Variants in PSD4 observed in about 807,000 individuals in gnomAD.
The protein encoded by PSD4 is pleckstrin and Sec7 domain containing 4, also known as PH and SEC7 domain-containing protein 4.
In PSD4, 59 loss-of-function variants were observed where a neutral mutation model predicts 112.5. The observed-to-expected ratio is 0.52, with a 90% CI of 0.43 to 0.65. PSD4 has a LOEUF of 0.65. Among genes scored for constraint, PSD4 ranks in the 30% least tolerant of loss-of-function variants. PSD4 has a pLI of 0.00. For missense variants in PSD4, 1,267 were observed against 1,352.6 expected (o/e 0.94, Z 0.99); for synonymous variants, 533 against 540.0 (o/e 0.99, Z 0.18).
At chr2:113,192,013 C>T (rs3791341) in intron 5 of PSD4, among the ~76,000 whole-genome samples, 134,983 of 151,526 alleles carry the variant, frequency 0.89, 60,968 homozygotes, top group Non-Finnish European at 0.97. Flanking sequence ...CAAGGAGGTA[C>T]AGGAGGACCA....
At chr2:113,199,054 C>G (rs1460440522) in intron 15 of PSD4, 29 bp from the exon 16 acceptor site, 10 of 1,518,382 alleles carry the variant, frequency 6.6e-6, no homozygotes, top group Non-Finnish European at 7.0e-6. Context: ...ACGCCCGGGA[C>G]AGCGCCCCTC....
intron 16 of PSD4, among the ~76,000 whole-genome samples, chr2:113,199,623 T>C (rs1688720013): frequency 1.3e-5 from 2 of 152,196 alleles, no homozygotes; most frequent in Non-Finnish European, 2.9e-5. Flanking sequence ...CAAATATTAA[T>C]AGGTAGTATG....
rs1319922332 is a variant in PSD4 at position 113,208,339 on chromosome 2, T to C, written c.*6924T>C. The stretch of plus-strand genomic sequence containing the variant: ...AATTTCAGACCTGGAATTCTAACTG[T>C]CCACAATACATGGCTCCTCAATATA... On this transcript the variant is annotated 3_prime_UTR_variant, in exon 17 of 17. Coordinates refer to ENST00000245796, the MANE Select transcript of PSD4 (RefSeq NM_012455.3). 1 of 152,228 alleles carries C rather than the reference T, an allele frequency of 6.6e-6. No individual in the cohort carries two copies. The highest frequency in any genetic ancestry group is 1.5e-5 in the Non-Finnish European group (1 of 68,050). The allele number at this position is 152,228 out of a possible 1,614,324, so 9.4% of individuals were successfully genotyped here.
intron 5 of PSD4, among the ~76,000 whole-genome samples, chr2:113,187,863 C>T (rs1256722684): frequency 6.6e-6 from 1 of 152,184 alleles, no homozygotes. Context: ...CCTCTTGAGG[C>T]TCATGAACAC....
At chr2:113,198,220 T>G in intron 14 of PSD4, 1 of 353,784 alleles carries the variant, frequency 2.8e-6, no homozygotes, top group Non-Finnish European at 5.1e-6. Context: ...TGATTGACCA[T>G]ATCTGGCATT....
rs1349492763 is a variant in PSD4, at chr2:113,183,182, G to A, written c.726G>A (p.Glu242=). 3.1e-6 allele frequency: 5 copies of A among 1,614,110 alleles called. No individual in the cohort carries two copies. Among genetic ancestry groups the A allele is most frequent in the Admixed American group, 3.3e-5 (2 of 60,014 alleles). The part of the protein sequence containing the change: ...DSSPQWGAEE[E]SMFFSNPLFL... Reference sequence around the variant, plus strand: ...CCCCACAGTGGGGAGCTGAGGAGGAGAGCATGTTCTTCAGCAACCCCCTCT... The same window carrying A: ...CCCCACAGTGGGGAGCTGAGGAGGAAAGCATGTTCTTCAGCAACCCCCTCT... Residue 242 remains glutamate, a synonymous_variant, in exon 2 of 17, where the codon GAG becomes GAA. Coordinates refer to ENST00000245796, the MANE Select transcript of PSD4 (RefSeq NM_012455.3).
Position 113,201,478 on chromosome 2 carries a change from G to A in PSD4, c.*63G>A, listed in dbSNP as rs1688778489. 1.3e-6 allele frequency: 2 copies of A among 1,579,772 alleles called. No homozygotes were observed. The highest frequency in any genetic ancestry group is 1.3e-5 in the African/African-American group (1 of 74,398). On this transcript the variant is annotated 3_prime_UTR_variant, in exon 17 of 17. Coordinates refer to ENST00000245796, the MANE Select transcript of PSD4 (RefSeq NM_012455.3). ...GGGTAGACCTGAGATGAACCTCCCT[G>A]GAGGAGACTTATTTCAATGAGTCCA...
chr2:113,199,364 T>A (rs2305132), intron 16 of PSD4, 138 bp downstream of exon 16: 258,935 of 1,109,938 alleles, frequency 0.23, 32,331 homozygotes, highest in African/African-American at 0.46. Context: ...GGGGCCCGCG[T>A]GCGCCGTCTG....
At position 113,176,159 on chromosome 2, in the gene PSD4, G is replaced by A. The variant is rs116100927; in HGVS notation, c.-112+2105G>A. Among the ~76,000 whole-genome samples the A allele has an allele frequency of 8.4e-3, 1,273 of 152,288 alleles. 14 individuals carry two copies. The highest frequency in any genetic ancestry group is 0.011 in the Non-Finnish European group (750 of 68,028). On this transcript the variant is annotated intron_variant, in intron 1 of 16. Coordinates refer to ENST00000245796, the MANE Select transcript of PSD4 (RefSeq NM_012455.3). ...CCCAGCCTCTGTGCCCGGTCTCCCC[G>A]TTCTTCAGCCAGGGTACAAGGCTGC...
chr2:113,199,324 CG>C (rs1342668776), intron 16 of PSD4, 98 bp downstream of exon 16: 1 of 1,275,438 alleles, frequency 7.8e-7, no homozygotes, highest in Non-Finnish European at 9.9e-7. Flanking sequence ...CTGACCGCGC[CG>C]GGGCGGGGAG....
chr2:113,196,262 G>A lies in PSD4; in HGVS notation c.2341G>A (p.Gly781Ser). Residue 781 changes from glycine to serine, a missense_variant, in exon 12 of 17, where the codon GGC becomes AGC. This residue lies in a region of PSD4 where 544 missense variants were observed against 648.6 expected (regional missense o/e 0.84). Transcript: ENST00000245796. ...TCCCACAGTGCCCACCTACAAGCAG[G>A]GCATCCTGGCTCGGAAAATGCATCA... is the stretch of plus-strand genomic sequence containing the variant. ...QDPTVPTYKQ[G>S]ILARKMHQDA... is the part of the protein sequence containing the mutation. 2 of 1,613,876 alleles carry A rather than the reference G, an allele frequency of 1.2e-6. No homozygotes were observed. The highest frequency in any genetic ancestry group is 1.7e-6 in the Non-Finnish European group (2 of 1,179,782).
chr2:113,196,391 CAG>C lies in PSD4; in HGVS notation c.2386+90_2386+91del, dbSNP rs398060461. 5 of 1,466,542 alleles carry C rather than the reference CAG, an allele frequency of 3.4e-6. No individual in the cohort carries two copies. In the East Asian group the frequency reaches 1.0e-4, roughly 31 times the overall value. 90.8% of individuals were successfully genotyped at this position (1,466,542 alleles called of 1,614,324 possible). The stretch of plus-strand genomic sequence containing the variant: ...CTGTGCCGATGCATGCACAGGTGTG[CAG>C]AGAGACAGCCCGCGTTGAGGACAGG... On this transcript the variant is annotated intron_variant, in intron 12 of 16. Transcript: ENST00000245796.
intron 16 of PSD4, among the ~76,000 whole-genome samples, chr2:113,200,953 G>A (rs1688759904): frequency 6.6e-6 from 1 of 152,144 alleles, no homozygotes; most frequent in Non-Finnish European, 1.5e-5. Flanking sequence ...GGGCTGATAT[G>A]TGTCATTATA....
intron 10 of PSD4, among the ~76,000 whole-genome samples, chr2:113,195,250 T>C (rs1480014741): frequency 6.6e-6 from 1 of 150,884 alleles, no homozygotes; most frequent in African/African-American, 2.4e-5. Flanking sequence ...AACCTCCGCC[T>C]CCCGGGTTCA....
At chr2:113,176,321 G>A (rs115127356) in intron 1 of PSD4, among the ~76,000 whole-genome samples, 142 of 152,334 alleles carry the variant, frequency 9.3e-4, no homozygotes, top group African/African-American at 3.3e-3. Context: ...AGGTGGGAGG[G>A]ACTCTGCCTT....
chr2:113,192,725 C>G, intron 6 of PSD4, 136 bp downstream of exon 6: 1 of 900,688 alleles, frequency 1.1e-6, no homozygotes, highest in Non-Finnish European at 1.7e-6. Context: ...CTAACTTTTC[C>G]CCCATACCCT....
Position 113,202,617 on chromosome 2 carries a change from G to A in PSD4, c.*1202G>A, listed in dbSNP as rs947732543. The A allele has an allele frequency of 6.6e-6, 1 of 152,328 alleles. No homozygotes were observed. The highest frequency in any genetic ancestry group is 2.1e-4 in the South Asian group (1 of 4,836). The allele number at this position is 152,328 out of a possible 1,614,324, so 9.4% of individuals were successfully genotyped here. ...GACTCATGGACTTGGGGCTCTGCCTGTAGGAAGGAGGCTGGGCCGGAGGGA... is the reference window on the plus strand; with the variant it reads ...GACTCATGGACTTGGGGCTCTGCCTATAGGAAGGAGGCTGGGCCGGAGGGA... On this transcript the variant is annotated 3_prime_UTR_variant, in exon 17 of 17. Coordinates refer to ENST00000245796, the MANE Select transcript of PSD4 (RefSeq NM_012455.3).
intron 6 of PSD4, 134 bp from the exon 7 acceptor site, chr2:113,192,914 A>G: frequency 2.3e-6 from 2 of 856,020 alleles, no homozygotes; most frequent in South Asian, 3.4e-5. Flanking sequence ...GTCAGGACCC[A>G]AGGCCCAGCG....
At position 113,193,954 on chromosome 2, in the gene PSD4, T is replaced by C. The variant is rs375395409; in HGVS notation, c.2181+6T>C. On this transcript the variant is annotated splice_donor_region_variant and intron_variant, in intron 10 of 16. Transcript: ENST00000245796. ...TCCCCAAGGAGCTGCTGAAGGTATGTGCCACGGGGTCTTCTTATGAGCCTC... is the reference window on the plus strand; with the variant it reads ...TCCCCAAGGAGCTGCTGAAGGTATGCGCCACGGGGTCTTCTTATGAGCCTC... The C allele has an allele frequency of 7.0e-5, 113 of 1,613,366 alleles. No individual in the cohort carries two copies. The African/African-American group carries it at 1.1e-3, about 15-fold the overall frequency.
Sources: allele counts gnomAD v4.1 joint callset (sites outside exome capture counted in the v4.1 genomes callset), GRCh38; gene constraint gnomAD v4.1.1; regional missense constraint gnomAD v4.1.1; transcripts MANE v1.5; gene names NCBI Gene and HGNC (gene_info 2026-07-23, HGNC 2026-07-21).